The following PDE7B variants were observed in gnomAD, a reference collection of about 807,000 sequenced individuals.
The protein encoded by PDE7B is phosphodiesterase 7B, also known as 3',5'-cyclic-AMP phosphodiesterase 7B.
In PDE7B, 29 loss-of-function variants were observed where a neutral mutation model predicts 56.2. The ratio of observed to expected loss-of-function variants is 0.52; its 90% CI spans 0.38 to 0.70. The LOEUF (loss-of-function observed/expected upper bound fraction) is 0.70, where lower values mean the gene tolerates loss of function less well. PDE7B is among the 30% of genes least tolerant of loss of function. The pLI, the probability that PDE7B is intolerant of heterozygous loss-of-function variation, is 0.00. For synonymous variants in PDE7B, 197 were observed against 196.9 expected, an observed-to-expected ratio of 1.00 and a Z score of 0.00; for missense variants, 490 against 565.0, an observed-to-expected ratio of 0.87 and a Z score of 1.35.
chr6:136,154,219 A>G (rs1778570369), intron 7 of PDE7B, 44 bp downstream of exon 7: 2 of 1,255,680 alleles, frequency 1.6e-6, no homozygotes, highest in Non-Finnish European at 2.3e-6. Context: ...TGGAAATGCC[A>G]AGGAAACTAC....
chr6:136,123,360 G>T (rs1777970557), intron 3 of PDE7B, among the ~76,000 whole-genome samples: 1 of 152,066 alleles, frequency 6.6e-6, no homozygotes, highest in South Asian at 2.1e-4. Context: ...TCACAATTAT[G>T]CCTCTTGATT....
intron 12 of PDE7B, among the ~76,000 whole-genome samples, chr6:136,191,037 T>TTTTTTTTTTTTTTA (rs1471563191): frequency 2.8e-5 from 4 of 143,214 alleles, no homozygotes; most frequent in African/African-American, 5.7e-5. Context: ...TTTTTTTTTT[T>TTTTTTTTTTTTTTA]ACTTATATGT....
intron 2 of PDE7B, among the ~76,000 whole-genome samples, chr6:135,986,551 G>A (rs913912842): frequency 1.1e-4 from 16 of 152,140 alleles, no homozygotes; most frequent in South Asian, 6.2e-4. Context: ...ATCCTAGCTC[G>A]ATGGATCCCA....
intron 2 of PDE7B, among the ~76,000 whole-genome samples, chr6:136,057,646 A>G (rs1265843805): frequency 6.6e-6 from 1 of 152,220 alleles, no homozygotes; most frequent in African/African-American, 2.4e-5. Context: ...TATTCATGGT[A>G]TGAATGGCCA....
chr6:136,188,337 C>T (rs546932003), intron 12 of PDE7B, among the ~76,000 whole-genome samples: 15 of 152,040 alleles, frequency 9.9e-5, no homozygotes, highest in Non-Finnish European at 1.8e-4. Context: ...CACCCCAAAG[C>T]TGGGAGCTGG....
At chr6:136,052,640 C>G (rs184041579) in intron 2 of PDE7B, among the ~76,000 whole-genome samples, 1 of 150,340 alleles carries the variant, frequency 6.7e-6, no homozygotes, top group Non-Finnish European at 1.5e-5. Flanking sequence ...CACAGCATGC[C>G]GAACACATGC....
Position 135,967,929 on chromosome 6 carries a change from A to G in PDE7B, c.82+20405A>G, listed in dbSNP as rs1048588226. Among the ~76,000 whole-genome samples, 36 of 152,214 alleles carry G rather than the reference A, an allele frequency of 2.4e-4. 1 individual carries two copies. The highest frequency in any genetic ancestry group is 1.5e-3 in the Admixed American group (23 of 15,284). ...AGGTAGCTGAGAACAGAGAAAGTCAATGACTCCTGTAGAAGCATTCTCTTC... is the reference window on the plus strand; with the variant it reads ...AGGTAGCTGAGAACAGAGAAAGTCAGTGACTCCTGTAGAAGCATTCTCTTC... On this transcript the variant is annotated intron_variant, in intron 2 of 12. Coordinates refer to ENST00000308191, the MANE Select transcript of PDE7B (RefSeq NM_018945.4).
rs1315635011 is a variant in PDE7B, at chr6:136,008,097, C to T, written c.82+60573C>T. Among the ~76,000 whole-genome samples the T allele has an allele frequency of 2.0e-5, 3 of 150,000 alleles. No individual in the cohort carries two copies. In the Admixed American group the frequency reaches 2.0e-4, roughly 10 times the overall value. ...GAACGTGCAGTGTTTGGTTTTTTGT[C>T]GTTGCAATAGTTTGCTGAGAATGAT... On this transcript the variant is annotated intron_variant, in intron 2 of 12. Coordinates refer to ENST00000308191, the MANE Select transcript of PDE7B (RefSeq NM_018945.4).
intron 2 of PDE7B, among the ~76,000 whole-genome samples, chr6:136,005,157 A>G (rs1169079476): frequency 2.0e-5 from 3 of 152,180 alleles, no homozygotes; most frequent in Admixed American, 6.5e-5. Context: ...CCATATGTAG[A>G]AAGCTGAAAC....
intron 2 of PDE7B, among the ~76,000 whole-genome samples, chr6:135,970,300 T>C (rs1775071664): frequency 6.6e-6 from 1 of 151,896 alleles, no homozygotes; most frequent in South Asian, 2.1e-4. Context: ...GTAGCTTTTG[T>C]GGAGAGGCTG....
chr6:135,965,405 G>A (rs1774980874), intron 2 of PDE7B, among the ~76,000 whole-genome samples: 1 of 152,120 alleles, frequency 6.6e-6, no homozygotes, highest in African/African-American at 2.4e-5. Flanking sequence ...AGAACCCAAG[G>A]AACAGAAAGG....
chr6:136,022,849 T>C (rs1776094351), intron 2 of PDE7B, among the ~76,000 whole-genome samples: 1 of 152,182 alleles, frequency 6.6e-6, no homozygotes, highest in African/African-American at 2.4e-5. Flanking sequence ...ACCCAGCTCC[T>C]TCTGGATCAG....
chr6:135,910,247 C>G (rs1302113494), intron 1 of PDE7B, among the ~76,000 whole-genome samples: 1 of 152,184 alleles, frequency 6.6e-6, no homozygotes, highest in African/African-American at 2.4e-5. Context: ...GGGGATCCAA[C>G]TCCTCACTTA....
At chr6:135,996,798 G>A (rs1775572300) in intron 2 of PDE7B, among the ~76,000 whole-genome samples, 1 of 152,180 alleles carries the variant, frequency 6.6e-6, no homozygotes. Flanking sequence ...GCACTTGTGT[G>A]AGTAAATATG....
intron 2 of PDE7B, chr6:136,045,059 T>G (rs888250351): frequency 6.6e-6 from 1 of 152,098 alleles, no homozygotes; most frequent in African/African-American, 2.4e-5. Flanking sequence ...TTTCAAGTTT[T>G]TTTTTTTTTA....
intron 8 of PDE7B, among the ~76,000 whole-genome samples, chr6:136,169,724 C>G (rs1778850564): frequency 6.6e-6 from 1 of 152,182 alleles, no homozygotes; most frequent in African/African-American, 2.4e-5. Context: ...TTACATCACA[C>G]TAATCTATCA....
At chr6:136,003,940 G>T (rs1319493952) in intron 2 of PDE7B, among the ~76,000 whole-genome samples, 2 of 152,144 alleles carry the variant, frequency 1.3e-5, no homozygotes, top group East Asian at 3.9e-4. Flanking sequence ...GAACATTGAT[G>T]CAAAAATCCT....
Position 136,178,914 on chromosome 6 carries a change from C to T in PDE7B, c.804-83C>T, listed in dbSNP as rs556153199. ...CAAAGGCAGAAATTAGATTACAAGC[C>T]ACCTGATGATGATAAAATCAATCAC... On this transcript the variant is annotated intron_variant, in intron 9 of 12. Transcript: ENST00000308191. The T allele has an allele frequency of 1.4e-3, 1,911 of 1,410,572 alleles. 17 individuals are homozygous for T. The African/African-American group carries it at 0.017, about 12-fold the overall frequency. 87.4% of individuals were successfully genotyped at this position (1,410,572 alleles called of 1,614,324 possible). A position where few individuals can be genotyped will look rare whatever the true frequency, so the allele number is the denominator to read the frequency against.
At chr6:135,911,243 A>G (rs747117934) in intron 1 of PDE7B, among the ~76,000 whole-genome samples, 8 of 152,222 alleles carry the variant, frequency 5.3e-5, no homozygotes, top group Non-Finnish European at 1.0e-4. Context: ...TAGGTGATCC[A>G]TTAAATCTCC....
Sources: gnomAD v4.1 joint callset for allele counts (sites outside exome capture counted in the v4.1 genomes callset) on GRCh38, gnomAD v4.1.1 for gene constraint, MANE v1.5 for transcripts, NCBI Gene and HGNC (gene_info 2026-07-23, HGNC 2026-07-21) for gene names.